TENM2: variants seen among roughly 807,000 people sequenced by gnomAD.
TENM2 encodes teneurin transmembrane protein 2.
TENM2 carries 52 observed loss-of-function variants against 245.2 expected under a neutral mutation model. The ratio of observed to expected loss-of-function variants is 0.21; its 90% CI spans 0.17 to 0.27. TENM2 has a LOEUF of 0.27. TENM2 is among the 10% of genes least tolerant of loss of function. TENM2 has a pLI of 1.00. For missense variants in TENM2, 3,046 were observed against 3,666.8 expected (o/e 0.83, Z 4.37); for synonymous variants, 1,363 against 1,438.9 (o/e 0.95, Z 1.19).
In TENM2 at chr5:168,030,158, CTTTTTTTTTTTTTTT is replaced by C. The variant is rs540326142; in HGVS notation, c.1187-17254_1187-17240del. On this transcript the variant is annotated intron_variant, in intron 5 of 28. Coordinates refer to ENST00000518659, the Ensembl canonical transcript of TENM2. Reference sequence around the variant, plus strand: ...CTTTGGCCCAAGTCTGGTTCTGGCTCTTTTTTTTTTTTTTTTTTTTTTTTTTTTTCATCTTTCCAC... The same window carrying C: ...CTTTGGCCCAAGTCTGGTTCTGGCTCTTTTTTTTTTTTTTCATCTTTCCAC... Among the ~76,000 whole-genome samples, 13 of 65,288 alleles carry C rather than the reference CTTTTTTTTTTTTTTT, an allele frequency of 2.0e-4. 1 individual carries two copies. The South Asian group carries it at 4.5e-3, about 23-fold the overall frequency. 42.8% of individuals were successfully genotyped at this position (65,288 alleles called of 152,430 possible).
intron 2 of TENM2, among the ~76,000 whole-genome samples, chr5:167,672,407 A>G (rs1170451917): frequency 6.6e-6 from 1 of 152,100 alleles, no homozygotes; most frequent in East Asian, 1.9e-4. Context: ...TAAATTGATT[A>G]GAACCTGATT....
intron 7 of TENM2, among the ~76,000 whole-genome samples, chr5:168,068,855 G>A (rs886695822): frequency 2.6e-5 from 4 of 151,858 alleles, no homozygotes; most frequent in African/African-American, 9.7e-5. Context: ...TTGTGTGTGT[G>A]TGTGTGTGTG....
chr5:167,280,797 T>C (rs1771009412), upstream of TENM2, among the ~76,000 whole-genome samples: 1 of 151,672 alleles, frequency 6.6e-6, no homozygotes, highest in Non-Finnish European at 1.5e-5. Context: ...TATCTATCTA[T>C]CTATCTATCT....
intron 2 of TENM2, among the ~76,000 whole-genome samples, chr5:167,799,117 C>A (rs566985663): frequency 6.6e-6 from 1 of 152,192 alleles, no homozygotes; most frequent in South Asian, 2.1e-4. Flanking sequence ...ACCCATGCAT[C>A]TGGTCTCCAA....
chr5:167,702,942 C>T (rs1325500337), intron 2 of TENM2, among the ~76,000 whole-genome samples: 5 of 152,254 alleles, frequency 3.3e-5, no homozygotes, highest in Non-Finnish European at 5.9e-5. Context: ...GGATTACAGG[C>T]GTAAGCCACC....
chr5:167,098,123 A>C, the TENM2 span, among the ~76,000 whole-genome samples: 1 of 152,224 alleles, frequency 6.6e-6, no homozygotes, highest in East Asian at 1.9e-4. Flanking sequence ...AACTGTATGC[A>C]AAGTTATCTT....
chr5:167,015,155 T>A, the TENM2 span, among the ~76,000 whole-genome samples: 2 of 152,224 alleles, frequency 1.3e-5, no homozygotes, highest in African/African-American at 4.8e-5. Context: ...AATGAATGAC[T>A]AATTTATCTT....
At chr5:166,985,211 T>C in the TENM2 span, among the ~76,000 whole-genome samples, 11 of 152,260 alleles carry the variant, frequency 7.2e-5, no homozygotes, top group South Asian at 2.3e-3. Context: ...GTCCAGCTCA[T>C]TTCTATTCAT....
chr5:167,826,338 T>C (rs186812075), intron 2 of TENM2, among the ~76,000 whole-genome samples: 36 of 152,316 alleles, frequency 2.4e-4, no homozygotes, highest in Non-Finnish European at 4.6e-4. Flanking sequence ...TTTCTTCCGA[T>C]TGGCCAGAAA....
chr5:167,949,605 G>T (rs1268968206), intron 3 of TENM2, among the ~76,000 whole-genome samples: 1 of 152,100 alleles, frequency 6.6e-6, no homozygotes, highest in Admixed American at 6.5e-5. Context: ...AACCTTAGCG[G>T]GTAGTTACTG....
At chr5:167,949,898 A>G (rs755270820) in intron 3 of TENM2, among the ~76,000 whole-genome samples, 11 of 152,218 alleles carry the variant, frequency 7.2e-5, no homozygotes, top group Non-Finnish European at 1.3e-4. Context: ...ATGAGCAAAT[A>G]TAATCAATGC....
At chr5:167,477,441 G>T (rs969430042) in intron 2 of TENM2, among the ~76,000 whole-genome samples, 2 of 152,112 alleles carry the variant, frequency 1.3e-5, no homozygotes, top group Non-Finnish European at 2.9e-5. Context: ...GGCGGGTGGG[G>T]GGGGAGGTCT....
chr5:167,980,455 G>A (rs1782751333), intron 4 of TENM2, among the ~76,000 whole-genome samples: 1 of 152,136 alleles, frequency 6.6e-6, no homozygotes, highest in African/African-American at 2.4e-5. Context: ...TTTCCAGACT[G>A]AGGGAAACAC....
At chr5:168,062,946 T>G (rs1365133677) in intron 7 of TENM2, among the ~76,000 whole-genome samples, 6 of 152,182 alleles carry the variant, frequency 3.9e-5, no homozygotes, top group Non-Finnish European at 5.9e-5. Flanking sequence ...TTACCCAACA[T>G]AGTGAATACA....
chr5:167,379,323 A>C (rs1047022664), intron 2 of TENM2, among the ~76,000 whole-genome samples: 11 of 152,090 alleles, frequency 7.2e-5, no homozygotes, highest in Admixed American at 5.9e-4. Flanking sequence ...GTTCCAACAC[A>C]CCCAGGTACT....
intron 3 of TENM2, among the ~76,000 whole-genome samples, chr5:167,932,161 G>T (rs1363641179): frequency 6.6e-6 from 1 of 152,180 alleles, no homozygotes; most frequent in Non-Finnish European, 1.5e-5. Flanking sequence ...TGGCTGCTTA[G>T]CAGCACACAT....
chr5:167,658,400 G>C (rs980070708), intron 2 of TENM2, among the ~76,000 whole-genome samples: 2 of 151,976 alleles, frequency 1.3e-5, no homozygotes, highest in Non-Finnish European at 2.9e-5. Flanking sequence ...TAGAGATGGG[G>C]TTTCATAATG....
chr5:168,189,661 CA>C, intron 13 of TENM2, among the ~76,000 whole-genome samples: 1 of 152,284 alleles, frequency 6.6e-6, no homozygotes, highest in East Asian at 1.9e-4. Context: ...CCCAGGTTTC[CA>C]ATTGGTCAGC....
chr5:167,347,164 A>C (rs570627460), intron 1 of TENM2, among the ~76,000 whole-genome samples: 1 of 152,176 alleles, frequency 6.6e-6, no homozygotes, highest in East Asian at 1.9e-4. Flanking sequence ...ACCTGTGTAT[A>C]AAAAGACCGA....
Sources: allele counts gnomAD v4.1 joint callset (sites outside exome capture counted in the v4.1 genomes callset), GRCh38; gene constraint gnomAD v4.1.1; transcripts MANE v1.5; gene names NCBI Gene and HGNC (gene_info 2026-07-23, HGNC 2026-07-21).